The following ELAC2 variants were observed in gnomAD, a reference collection of about 807,000 sequenced individuals.
ELAC2 encodes the protein zinc phosphodiesterase ELAC protein 2.
Under a neutral mutation model 105.2 loss-of-function variants are expected in ELAC2, and 92 were observed. The observed-to-expected ratio is 0.87, with a 90% CI of 0.74 to 1.04. ELAC2 has a LOEUF of 1.04. Among genes scored for constraint, ELAC2 ranks in the 50% least tolerant of loss-of-function variants. The pLI is 0.00. For missense variants in ELAC2, 1,099 were observed against 1,071.7 expected, an observed-to-expected ratio of 1.03 and a Z score of -0.36; for synonymous variants, 468 against 409.1, an observed-to-expected ratio of 1.14 and a Z score of -1.74.
At position 13,017,788 on chromosome 17, in the gene ELAC2, C is replaced by G. The variant is rs773543853; in HGVS notation, c.160G>C (p.Gly54Arg). The stretch of plus-strand genomic sequence containing the variant: ...ACCTGCAGGTACACGGTGTTTGGGC[C>G]GCCGGAGCACCCCGACGGTCCGCGC... ...EKRGPSGCSG[G>R]PNTVYLQVVA... Residue 54 changes from glycine (G) to arginine (R), a missense_variant, in exon 1 of 24, where the codon GGC becomes CGC. Coordinates refer to ENST00000338034, the MANE Select transcript of ELAC2 (RefSeq NM_018127.7). 3 of 1,608,690 alleles carry G rather than the reference C, an allele frequency of 1.9e-6. No homozygotes were observed. The highest frequency in any genetic ancestry group is 1.3e-5 in the African/African-American group (1 of 74,892).
intron 16 of ELAC2, among the ~76,000 whole-genome samples, chr17:12,997,703 G>A (rs1463700558): frequency 6.6e-6 from 1 of 152,056 alleles, no homozygotes; most frequent in East Asian, 1.9e-4. Flanking sequence ...TGCACTATTT[G>A]GTTGTTTATC....
chr17:12,994,515 G>A lies in ELAC2; in HGVS notation c.2030-12C>T, dbSNP rs767897056. Reference sequence around the variant, plus strand: ...GGTGGCATCTTTCCCTGGAGAAGCAGCACAAGGATCAGGGCAGAGTTCTCT... The same window carrying A: ...GGTGGCATCTTTCCCTGGAGAAGCAACACAAGGATCAGGGCAGAGTTCTCT... On this transcript the variant is annotated splice_polypyrimidine_tract_variant and intron_variant, in intron 21 of 23. Coordinates refer to ENST00000338034, the MANE Select transcript of ELAC2 (RefSeq NM_018127.7). The A allele has an allele frequency of 1.2e-6, 2 of 1,614,190 alleles. No individual in the cohort carries two copies. The highest frequency in any genetic ancestry group is 1.7e-6 in the Non-Finnish European group (2 of 1,180,012).
At chr17:13,012,404 G>C (rs886374464) in intron 6 of ELAC2, among the ~76,000 whole-genome samples, 1 of 151,404 alleles carries the variant, frequency 6.6e-6, no homozygotes, top group Admixed American at 6.6e-5. Context: ...GGGGTCAGGT[G>C]AGAGAAGGCA....
chr17:13,003,735 C>G, intron 11 of ELAC2, 161 bp from the exon 12 acceptor site: 2 of 664,324 alleles, frequency 3.0e-6, no homozygotes, highest in Non-Finnish European at 5.4e-6. Flanking sequence ...CTGCTCACGG[C>G]AGACCCCGGT....
intron 18 of ELAC2, 58 bp downstream of exon 18, chr17:12,995,882 A>T: frequency 1.3e-6 from 2 of 1,583,974 alleles, no homozygotes; most frequent in Non-Finnish European, 1.7e-6. Flanking sequence ...GCCAAGAGGC[A>T]TGGCGGATGA....
Position 13,013,255 on chromosome 17 carries a change from G to C in ELAC2, c.511C>G (p.Pro171Ala), listed in dbSNP as rs775086832. The change falls in exon 6 of 24, where the codon CCA (proline) becomes GCA (alanine). Residue 171 changes from proline (P) to alanine (A), a missense_variant. Transcript: ENST00000338034. ...GTCATGGTTTCATCCTCGTATTCTGGGGCAGAGTGGGGCCGCACAGCTACA... is the reference window on the plus strand; with the variant it reads ...GTCATGGTTTCATCCTCGTATTCTGCGGCAGAGTGGGGCCGCACAGCTACA... ...IELAVRPHSA[P>A]EYEDETMTVY... The C allele has an allele frequency of 1.2e-6, 2 of 1,614,070 alleles. No homozygotes were observed. The highest frequency in any genetic ancestry group is 2.2e-5 in the East Asian group (1 of 44,866).
At chr17:13,003,446 T>C in intron 12 of ELAC2, 33 bp downstream of exon 12, 1 of 1,599,300 alleles carries the variant, frequency 6.3e-7, no homozygotes. Context: ...CCCAGAAGAG[T>C]TACCCCAAGT....
chr17:13,014,490 A>G lies in ELAC2; in HGVS notation c.439T>C (p.Tyr147His), dbSNP rs1384043963. 1 of 1,612,564 alleles carries G rather than the reference A, an allele frequency of 6.2e-7. No homozygotes were observed. The highest frequency in any genetic ancestry group is 1.3e-5 in the African/African-American group (1 of 74,878). The stretch of plus-strand genomic sequence containing the variant: ...GAAAATATTTTGATTGCTTCGAGGT[A>G]TTTTTCCTAATGAAAAACAAAGAAA... ...VLSGPPQLEK[Y>H]LEAIKIFSGP... Residue 147 changes from tyrosine to histidine, a missense_variant, in exon 5 of 24, where the codon TAC (tyrosine) becomes CAC (histidine). Tyr to His is a moderately conservative substitution (Grantham distance 83). Transcript: ENST00000338034.
intron 8 of ELAC2, among the ~76,000 whole-genome samples, chr17:13,008,635 G>C (rs933866659): frequency 6.6e-6 from 1 of 152,190 alleles, no homozygotes. Context: ...AGACTGATGA[G>C]AGCCAGAACG....
At chr17:13,012,649 A>G (rs2041483352) in intron 6 of ELAC2, among the ~76,000 whole-genome samples, 1 of 152,164 alleles carries the variant, frequency 6.6e-6, no homozygotes, top group Admixed American at 6.5e-5. Flanking sequence ...AGTTAGTACT[A>G]ACAAGGAAAT....
chr17:13,014,545 C>T (rs2041617820), intron 4 of ELAC2, 49 bp from the exon 5 acceptor site: 4 of 1,318,254 alleles, frequency 3.0e-6, no homozygotes, highest in African/African-American at 2.9e-5. Flanking sequence ...AAATGTAGAA[C>T]ACAGCAACTA....
intron 5 of ELAC2, 61 bp downstream of exon 5, chr17:13,014,378 G>T: frequency 8.1e-7 from 1 of 1,232,602 alleles, no homozygotes; most frequent in South Asian, 1.2e-5. Flanking sequence ...ATTCTAATTT[G>T]AGAGGTCAGG....
At chr17:12,999,272 G>A (rs1388709557) in intron 15 of ELAC2, among the ~76,000 whole-genome samples, 1 of 152,220 alleles carries the variant, frequency 6.6e-6, no homozygotes, top group Non-Finnish European at 1.5e-5. Context: ...TGTGTGCCTT[G>A]CATCCAGCTC....
At chr17:12,998,338 G>A (rs2040576112) in intron 16 of ELAC2, 74 bp downstream of exon 16, 2 of 1,386,886 alleles carry the variant, frequency 1.4e-6, no homozygotes, top group Non-Finnish European at 2.1e-6. Flanking sequence ...ATCGACTGGT[G>A]AGTACAGCAG....
Position 12,995,996 on chromosome 17 carries a change from G to A in ELAC2, c.1660-18C>T, listed in dbSNP as rs1051069132. ...GGCAAGCCCTGGCAAGGAAACAGGA[G>A]ACATGCGTCAGCCAGGCCCCAGGGC... On this transcript the variant is annotated intron_variant, in intron 17 of 23. Transcript: ENST00000338034. The A allele has an allele frequency of 1.9e-6, 3 of 1,587,646 alleles. No individual in the cohort carries two copies. The highest frequency in any genetic ancestry group is 2.6e-6 in the Non-Finnish European group (3 of 1,165,426).
rs1367291628 is a variant in ELAC2 at position 12,991,975 on chromosome 17, T to G, written c.*843A>C. The stretch of plus-strand genomic sequence containing the variant: ...GGAAACCAGCCCCGTGTGCCATTTC[T>G]CAAAACCTTCGAGGGCAAAGTGATC... On this transcript the variant is annotated 3_prime_UTR_variant, in exon 24 of 24. Transcript: ENST00000338034. Among the ~76,000 whole-genome samples the G allele has an allele frequency of 6.6e-6, 1 of 151,866 alleles. No individual in the cohort carries two copies. The highest frequency in any genetic ancestry group is 1.5e-5 in the Non-Finnish European group (1 of 68,032).
chr17:13,017,011 T>C (rs534085551), intron 2 of ELAC2, 60 bp downstream of exon 2: 2 of 1,612,366 alleles, frequency 1.2e-6, no homozygotes, highest in South Asian at 2.2e-5. Flanking sequence ...AACTGGCCTC[T>C]CATTTCGGCT....
At chr17:12,994,191 C>T (rs142064599) in intron 22 of ELAC2, among the ~76,000 whole-genome samples, 143 of 152,292 alleles carry the variant, frequency 9.4e-4, no homozygotes, top group African/African-American at 3.3e-3. Flanking sequence ...TTTATTCAGC[C>T]GATTTCTAGA....
intron 6 of ELAC2, among the ~76,000 whole-genome samples, chr17:13,012,880 T>C (rs2041495890): frequency 6.6e-6 from 1 of 152,184 alleles, no homozygotes; most frequent in Non-Finnish European, 1.5e-5. Context: ...AACCTCTTCA[T>C]GATCGTCTGA....
Sources: gnomAD v4.1 joint callset for allele counts (sites outside exome capture counted in the v4.1 genomes callset) on GRCh38, gnomAD v4.1.1 for gene constraint, MANE v1.5 for transcripts, NCBI Gene and HGNC (gene_info 2026-07-23, HGNC 2026-07-21) for gene names.